The following SEMA5A variants were observed in gnomAD, a reference collection of about 807,000 sequenced individuals.
The protein encoded by SEMA5A is semaphorin 5A.
Under a neutral mutation model 135.5 loss-of-function variants are expected in SEMA5A, and 55 were observed. The ratio of observed to expected loss-of-function variants is 0.41; its 90% CI spans 0.33 to 0.51. The LOEUF (loss-of-function observed/expected upper bound fraction) is 0.51. SEMA5A is among the 20% of genes least tolerant of loss of function. The pLI is 0.37. For synonymous variants in SEMA5A, 580 were observed against 546.5 expected (o/e 1.06, Z -0.85); for missense variants, 1,290 against 1,419.9 (o/e 0.91, Z 1.47).
intron 5 of SEMA5A, among the ~76,000 whole-genome samples, chr5:9,295,653 G>A (rs1033027919): frequency 2.0e-5 from 3 of 152,062 alleles, no homozygotes; most frequent in Non-Finnish European, 4.4e-5. Flanking sequence ...ATGCACCAAG[G>A]CTGCAGATAC....
At chr5:9,095,617 C>A (rs1272325846) in intron 16 of SEMA5A, among the ~76,000 whole-genome samples, 2 of 152,154 alleles carry the variant, frequency 1.3e-5, no homozygotes, top group Non-Finnish European at 2.9e-5. Context: ...TTACAAGTTG[C>A]CTCAAAAATT....
chr5:9,471,657 A>G (rs1759483100), intron 1 of SEMA5A, among the ~76,000 whole-genome samples: 1 of 152,230 alleles, frequency 6.6e-6, no homozygotes, highest in African/African-American at 2.4e-5. Context: ...TATCCAAACT[A>G]TGCATCCTAA....
intron 1 of SEMA5A, among the ~76,000 whole-genome samples, chr5:9,450,063 G>A (rs1320519437): frequency 6.6e-6 from 1 of 152,136 alleles, no homozygotes; most frequent in African/African-American, 2.4e-5. Context: ...AGACTTCCCT[G>A]TGCAAACATA....
chr5:9,298,873 C>T (rs968634733), intron 5 of SEMA5A, among the ~76,000 whole-genome samples: 2 of 152,076 alleles, frequency 1.3e-5, no homozygotes, highest in Non-Finnish European at 2.9e-5. Context: ...TTTGAAATAC[C>T]ATTATCACAG....
chr5:9,355,842 T>G (rs959668790), intron 3 of SEMA5A, among the ~76,000 whole-genome samples: 3 of 152,176 alleles, frequency 2.0e-5, no homozygotes, highest in Non-Finnish European at 4.4e-5. Flanking sequence ...AATGAATGCA[T>G]GCAGAAATGA....
chr5:9,276,908 A>G (rs559006166), intron 5 of SEMA5A, among the ~76,000 whole-genome samples: 3 of 152,358 alleles, frequency 2.0e-5, no homozygotes, highest in South Asian at 4.1e-4. Flanking sequence ...ATGGGCAAAG[A>G]CTTCATGACT....
chr5:9,221,537 C>T (rs555966924), intron 8 of SEMA5A, among the ~76,000 whole-genome samples: 16 of 150,902 alleles, frequency 1.1e-4, no homozygotes, highest in South Asian at 4.2e-4. Context: ...CTCCTGACCT[C>T]GTGATCCGCC....
chr5:9,094,796 C>T (rs1011379565), intron 16 of SEMA5A, among the ~76,000 whole-genome samples: 4 of 152,148 alleles, frequency 2.6e-5, no homozygotes, highest in African/African-American at 9.7e-5. Context: ...AAACACTTTA[C>T]ATCATGATAG....
intron 5 of SEMA5A, among the ~76,000 whole-genome samples, chr5:9,312,736 A>G (rs922936210): frequency 3.3e-5 from 5 of 152,146 alleles, no homozygotes; most frequent in African/African-American, 1.2e-4. Flanking sequence ...CAAAAAGACA[A>G]GATTTTTTTT....
chr5:9,124,920 T>C (rs1445107907), intron 13 of SEMA5A, among the ~76,000 whole-genome samples: 2 of 152,056 alleles, frequency 1.3e-5, no homozygotes, highest in Admixed American at 1.3e-4. Context: ...TCCACTACCA[T>C]CGGAAAGACT....
chr5:9,543,577 A>G (rs148021975), intron 1 of SEMA5A, among the ~76,000 whole-genome samples: 1 of 152,332 alleles, frequency 6.6e-6, no homozygotes, highest in Non-Finnish European at 1.5e-5. Flanking sequence ...AGTGCAATTC[A>G]CAAAAGACAT....
chr5:9,181,441 C>T (rs917457401), intron 11 of SEMA5A, among the ~76,000 whole-genome samples: 6 of 152,166 alleles, frequency 3.9e-5, no homozygotes, highest in Non-Finnish European at 5.9e-5. Context: ...AGAAACTATT[C>T]TGTTGTTGCC....
intron 5 of SEMA5A, among the ~76,000 whole-genome samples, chr5:9,298,126 G>T (rs914476178): frequency 6.6e-6 from 1 of 152,114 alleles, no homozygotes; most frequent in African/African-American, 2.4e-5. Context: ...TGGAAATTAG[G>T]TTTTTACAGA....
At position 9,066,642 on chromosome 5, in the gene SEMA5A, T is replaced by C. The variant is rs1737486156; in HGVS notation, c.2078A>G (p.Tyr693Cys). 1.9e-6 allele frequency: 3 copies of C among 1,613,950 alleles called. No individual in the cohort carries two copies. Among genetic ancestry groups the C allele is most frequent in the Non-Finnish European group, 2.5e-6 (3 of 1,179,976 alleles). The change falls in exon 17 of 23, where the codon TAC (tyrosine) becomes TGC (cysteine). Residue 693 changes from tyrosine (Y) to cysteine (C), a missense_variant. Transcript: ENST00000382496. ...ACACGGGTTGGTGTTGCAAGACTGGTACTCCTGGGGAGAATGCGCAGACGA... is the reference window on the plus strand; with the variant it reads ...ACACGGGTTGGTGTTGCAAGACTGGCACTCCTGGGGAGAATGCGCAGACGA... ...GPDCAGCNVE[Y>C]QSCNTNPCPE...
intron 16 of SEMA5A, among the ~76,000 whole-genome samples, chr5:9,097,239 C>T (rs2150134847): frequency 6.6e-6 from 1 of 152,278 alleles, no homozygotes; most frequent in South Asian, 2.1e-4. Flanking sequence ...CCCTTATTTA[C>T]ACTGGTATCC....
chr5:9,389,997 T>C (rs1366371405), intron 2 of SEMA5A, among the ~76,000 whole-genome samples: 1 of 152,220 alleles, frequency 6.6e-6, no homozygotes, highest in African/African-American at 2.4e-5. Flanking sequence ...AGAAAAAGAA[T>C]GCAAATCCAC....
intron 12 of SEMA5A, 129 bp from the exon 13 acceptor site, chr5:9,136,750 A>C (rs1330082976): frequency 8.2e-6 from 6 of 728,344 alleles, no homozygotes; most frequent in Non-Finnish European, 1.5e-5. Flanking sequence ...ATGGGTATTT[A>C]GGCTGCACAC....
intron 2 of SEMA5A, among the ~76,000 whole-genome samples, chr5:9,413,108 C>A (rs1757162943): frequency 6.6e-6 from 1 of 152,106 alleles, no homozygotes; most frequent in Non-Finnish European, 1.5e-5. Context: ...AGGCATTGGG[C>A]TCCTAGCAGT....
At position 9,253,109 on chromosome 5, in the gene SEMA5A, G is replaced by A. The variant is rs1204521924; in HGVS notation, c.271-15219C>T. ...CCCTATGCTATCACACAGGCAATGGGTAAGTACTGCATTTTAAATTTAGTG... is the reference window on the plus strand; with the variant it reads ...CCCTATGCTATCACACAGGCAATGGATAAGTACTGCATTTTAAATTTAGTG... On this transcript the variant is annotated intron_variant, in intron 5 of 22. Transcript: ENST00000382496. 2.0e-5 allele frequency among the ~76,000 whole-genome samples: 3 copies of A among 152,124 alleles called. 1 individual carries two copies. The highest frequency in any genetic ancestry group is 1.5e-5 in the Non-Finnish European group (1 of 68,030).
Sources: gnomAD v4.1 joint callset for allele counts (sites outside exome capture counted in the v4.1 genomes callset) on GRCh38, gnomAD v4.1.1 for gene constraint, MANE v1.5 for transcripts, NCBI Gene and HGNC (gene_info 2026-07-23, HGNC 2026-07-21) for gene names.